DPYSL2: variants seen among roughly 807,000 people sequenced by gnomAD.
The protein encoded by DPYSL2 is dihydropyrimidinase like 2.
DPYSL2 carries 13 observed loss-of-function variants against 69.9 expected under a neutral mutation model. The observed-to-expected ratio is 0.19, with a 90% CI of 0.12 to 0.30. The LOEUF (loss-of-function observed/expected upper bound fraction) is 0.30, where lower values mean the gene tolerates loss of function less well. Among genes scored for constraint, DPYSL2 ranks in the 10% least tolerant of loss-of-function variants. The probability of loss-of-function intolerance (pLI) is 1.00; values close to 1 mark genes in which losing one functional copy is unlikely to be tolerated. For synonymous variants in DPYSL2, 326 were observed against 359.1 expected (o/e 0.91, Z 1.04); for missense variants, 587 against 918.9 (o/e 0.64, Z 4.67).
At chr8:26,526,942 G>T (rs1808488296) in intron 1 of DPYSL2, among the ~76,000 whole-genome samples, 1 of 152,246 alleles carries the variant, frequency 6.6e-6, no homozygotes, top group Non-Finnish European at 1.5e-5. Flanking sequence ...CTATGACTGG[G>T]CATCTCAGTG....
Position 26,598,203 on chromosome 8 carries a change from C to T in DPYSL2, c.628+14220C>T, listed in dbSNP as rs112919805. Among the ~76,000 whole-genome samples the T allele has an allele frequency of 1.8e-3, 270 of 152,338 alleles. 1 individual carries two copies. The highest frequency in any genetic ancestry group is 6.1e-3 in the African/African-American group (252 of 41,576). On this transcript the variant is annotated intron_variant, in intron 3 of 13. Coordinates refer to ENST00000521913, the MANE Select transcript of DPYSL2 (RefSeq NM_001197293.3). The surrounding 1 kb of genome is among the most constrained non-coding windows in gnomAD (Gnocchi z 4.2). The stretch of plus-strand genomic sequence containing the variant: ...TGAAGCTTTTTATATTGACCCGTGG[C>T]TACTGTGGTATTCGAAGGGCTAAAT...
At position 26,564,773 on chromosome 8, in the gene DPYSL2, TAAA is replaced by T. The variant is rs35515244; in HGVS notation, c.355-17192_355-17190del. On this transcript the variant is annotated intron_variant, in intron 1 of 13. Transcript: ENST00000521913. This position sits in a 1 kb window ranked among gnomAD's most constrained non-coding sequence, Gnocchi z 4.8. The stretch of plus-strand genomic sequence containing the variant: ...TTTCTTTTTAAAAGAATTTTTTTTT[TAAA>T]AAATTTCAATAGCTTTTGGGATACA... 2.3e-4 allele frequency among the ~76,000 whole-genome samples: 33 copies of T among 145,072 alleles called. No homozygotes were observed. The highest frequency in any genetic ancestry group is 8.6e-4 in the South Asian group (4 of 4,634).
rs948993063 is a variant in DPYSL2, at chr8:26,570,217, G to A, written c.355-11752G>A. ...ATCATTCATTTAAACCTTTATGTTC[G>A]TCTGTCATGTTTCCTATGAGGGGAG... On this transcript the variant is annotated intron_variant, in intron 1 of 13. Transcript: ENST00000521913. Among the ~76,000 whole-genome samples, 4 of 137,728 alleles carry A rather than the reference G, an allele frequency of 2.9e-5. No homozygotes were observed. In the South Asian group the frequency reaches 6.6e-4, roughly 23 times the overall value. The allele number at this position is 137,728 out of a possible 152,430, so 90.4% of individuals were successfully genotyped here.
rs1016767075 is a variant in DPYSL2 at position 26,588,678 on chromosome 8, C to G, written c.628+4695C>G. ...GCCGCAGGGCTGGAAGGGGCCCTCC[C>G]TCCTGAGTACCAGCCTTGTCACTTC... On this transcript the variant is annotated intron_variant, in intron 3 of 13. Coordinates refer to ENST00000521913, the MANE Select transcript of DPYSL2 (RefSeq NM_001197293.3). The surrounding 1 kb of genome is among the most constrained non-coding windows in gnomAD (Gnocchi z 5.4). 3.3e-5 allele frequency among the ~76,000 whole-genome samples: 5 copies of G among 152,136 alleles called. No homozygotes were observed. Among genetic ancestry groups the G allele is most frequent in the African/African-American group, 7.2e-5 (3 of 41,418 alleles).
At chr8:26,604,836 A>T in intron 3 of DPYSL2, among the ~76,000 whole-genome samples, 1 of 149,996 alleles carries the variant, frequency 6.7e-6, no homozygotes, top group Admixed American at 6.6e-5. Flanking sequence ...TAATTTTTGC[A>T]TTTTTTTTTA....
intron 3 of DPYSL2, among the ~76,000 whole-genome samples, chr8:26,594,257 T>A (rs1801808712): frequency 6.6e-6 from 1 of 152,208 alleles, no homozygotes; most frequent in African/African-American, 2.4e-5. Context: ...GTAATCATTG[T>A]GACACCTTTG....
At chr8:26,520,081 T>C (rs4872451) in intron 1 of DPYSL2, among the ~76,000 whole-genome samples, 108,016 of 152,056 alleles carry the variant, frequency 0.71, 39,387 homozygotes, top group East Asian at 0.94. Flanking sequence ...ATACTGTTCT[T>C]ATTGCAGTGA....
rs556613614 is a variant in DPYSL2, at chr8:26,582,401, A to G, written c.443+344A>G. 9.2e-5 allele frequency among the ~76,000 whole-genome samples: 14 copies of G among 152,222 alleles called. No individual in the cohort carries two copies. In the South Asian group the frequency reaches 1.0e-3, roughly 11 times the overall value. The stretch of plus-strand genomic sequence containing the variant: ...CCTAGAATGTCATTGTTTGGGTTGG[A>G]TTGCCCAAAGGACGCAAACGTGAAA... On this transcript the variant is annotated intron_variant, in intron 2 of 13. Transcript: ENST00000521913. This position sits in a 1 kb window ranked among gnomAD's most constrained non-coding sequence, Gnocchi z 4.1.
rs1023507608 is a variant in DPYSL2 at position 26,642,366 on chromosome 8, G to A, written c.1127-1073G>A. On this transcript the variant is annotated intron_variant, in intron 8 of 13. Transcript: ENST00000521913. This position sits in a 1 kb window ranked among gnomAD's most constrained non-coding sequence, Gnocchi z 5.3. ...GGAGATCAGCTTCCAGTAGTGAAGA[G>A]CATCTGATGCTTTGGTGAGGAGGAT... is the stretch of plus-strand genomic sequence containing the variant. Among the ~76,000 whole-genome samples the A allele has an allele frequency of 2.6e-5, 4 of 152,194 alleles. No homozygotes were observed. Among genetic ancestry groups the A allele is most frequent in the Admixed American group, 6.5e-5 (1 of 15,284 alleles).
At position 26,657,923 on chromosome 8, in the gene DPYSL2, G is replaced by A. The variant is rs1803429556; in HGVS notation, c.*2217G>A. The A allele has an allele frequency of 6.6e-6, 1 of 152,616 alleles. No individual in the cohort carries two copies. The highest frequency in any genetic ancestry group is 1.5e-5 in the Non-Finnish European group (1 of 68,032). The allele number at this position is 152,616 out of a possible 1,614,324, so 9.5% of individuals were successfully genotyped here. A position where few individuals can be genotyped will look rare whatever the true frequency, so the allele number is the denominator to read the frequency against. On this transcript the variant is annotated 3_prime_UTR_variant, in exon 14 of 14. Coordinates refer to ENST00000521913, the MANE Select transcript of DPYSL2 (RefSeq NM_001197293.3). The stretch of plus-strand genomic sequence containing the variant: ...AACTGAATAACTGCAGTGACTTGAT[G>A]CTCTAAAACAGTGTAGGATTTAAGA...
At chr8:26,606,635 A>G (rs898395698) in intron 3 of DPYSL2, among the ~76,000 whole-genome samples, 39 of 152,256 alleles carry the variant, frequency 2.6e-4, no homozygotes, top group Non-Finnish European at 3.8e-4. Flanking sequence ...TATAAAAAAT[A>G]TTCAACTGAA....
chr8:26,621,641 G>A lies in DPYSL2; in HGVS notation c.629-2502G>A, dbSNP rs1203802589. On this transcript the variant is annotated intron_variant, in intron 3 of 13. Coordinates refer to ENST00000521913, the MANE Select transcript of DPYSL2 (RefSeq NM_001197293.3). The surrounding 1 kb of genome is among the most constrained non-coding windows in gnomAD (Gnocchi z 4.9). ...TCAGAAACGATGCCACCCTGGGATG[G>A]TGACATATAGCCCCAGTGAGAAGGA... is the stretch of plus-strand genomic sequence containing the variant. Among the ~76,000 whole-genome samples the A allele has an allele frequency of 1.3e-5, 2 of 152,204 alleles. No individual in the cohort carries two copies. The highest frequency in any genetic ancestry group is 4.8e-5 in the African/African-American group (2 of 41,436).
At chr8:26,566,462 G>C (rs1050374408) in intron 1 of DPYSL2, among the ~76,000 whole-genome samples, 2 of 152,160 alleles carry the variant, frequency 1.3e-5, no homozygotes, top group Admixed American at 1.3e-4. Flanking sequence ...TTGGACTATA[G>C]GGCTTTGTGG....
chr8:26,628,677 T>A (rs559676699), intron 7 of DPYSL2, among the ~76,000 whole-genome samples: 3 of 152,204 alleles, frequency 2.0e-5, no homozygotes, highest in Non-Finnish European at 4.4e-5. Flanking sequence ...AATCAGGGAA[T>A]CTCCAGGGAA....
chr8:26,523,863 C>T (rs1014925573), intron 1 of DPYSL2, among the ~76,000 whole-genome samples: 3 of 152,142 alleles, frequency 2.0e-5, no homozygotes, highest in Non-Finnish European at 4.4e-5. Flanking sequence ...ATTTAAAAAA[C>T]AAGACTGAAG....
chr8:26,549,114 A>G (rs545940877), intron 1 of DPYSL2, among the ~76,000 whole-genome samples: 6 of 151,474 alleles, frequency 4.0e-5, no homozygotes, highest in African/African-American at 7.3e-5. Flanking sequence ...ACTTGAACCC[A>G]GGAGGCGGAG....
intron 1 of DPYSL2, among the ~76,000 whole-genome samples, chr8:26,521,771 C>T (rs1046967712): frequency 3.9e-5 from 6 of 152,050 alleles, no homozygotes; most frequent in Non-Finnish European, 8.8e-5. Context: ...TGGAACCATA[C>T]AGTATATGGC....
chr8:26,526,495 A>G (rs536392269), intron 1 of DPYSL2, among the ~76,000 whole-genome samples: 6 of 152,344 alleles, frequency 3.9e-5, no homozygotes, highest in South Asian at 2.1e-4. Flanking sequence ...ATCTGTGGCT[A>G]ATAATAGTCT....
In DPYSL2 at chr8:26,598,646, T is replaced by G. The variant is rs1277845841; in HGVS notation, c.628+14663T>G. On this transcript the variant is annotated intron_variant, in intron 3 of 13. Transcript: ENST00000521913. The surrounding 1 kb of genome is among the most constrained non-coding windows in gnomAD (Gnocchi z 4.2). ...ATTTGATCATTTTTTCCCGTTAGCTTACAGCACAAAGTACTTTGAAATAAA... is the reference window on the plus strand; with the variant it reads ...ATTTGATCATTTTTTCCCGTTAGCTGACAGCACAAAGTACTTTGAAATAAA... Among the ~76,000 whole-genome samples the G allele has an allele frequency of 2.0e-5, 3 of 152,220 alleles. No individual in the cohort carries two copies. Among genetic ancestry groups the G allele is most frequent in the Non-Finnish European group, 4.4e-5 (3 of 68,034 alleles).
Sources: gnomAD v4.1 joint callset for allele counts (sites outside exome capture counted in the v4.1 genomes callset) on GRCh38, gnomAD v4.1.1 for gene constraint, Gnocchi (gnomAD v3.1) non-coding constraint, MANE v1.5 for transcripts, NCBI Gene and HGNC (gene_info 2026-07-23, HGNC 2026-07-21) for gene names.